Variants in CTNNA3 observed in about 807,000 individuals in gnomAD.
The protein encoded by CTNNA3 is catenin alpha-3.
CTNNA3 carries 76 observed loss-of-function variants against 95.7 expected under a neutral mutation model. That is an observed-to-expected ratio of 0.79 (90% confidence interval 0.66 to 0.96). The LOEUF (loss-of-function observed/expected upper bound fraction) is 0.96. Among genes scored for constraint, CTNNA3 ranks in the 40% least tolerant of loss-of-function variants. The pLI, the probability that CTNNA3 is intolerant of heterozygous loss-of-function variation, is 0.00. For synonymous variants in CTNNA3, 431 were observed against 374.4 expected, an observed-to-expected ratio of 1.15 and a Z score of -1.74; for missense variants, 1,191 against 1,089.8, an observed-to-expected ratio of 1.09 and a Z score of -1.31.
chr10:67,574,422 A>C (rs1312246067), intron 3 of CTNNA3, among the ~76,000 whole-genome samples: 1 of 151,362 alleles, frequency 6.6e-6, no homozygotes, highest in African/African-American at 2.4e-5. Context: ...TCTGTTTTGT[A>C]TTCTATCATT....
chr10:66,820,190 A>G (rs947245930), intron 7 of CTNNA3, among the ~76,000 whole-genome samples: 2 of 152,150 alleles, frequency 1.3e-5, no homozygotes, highest in Non-Finnish European at 2.9e-5. Flanking sequence ...TCTGCTACAC[A>G]TCATGGATAA....
chr10:67,390,585 T>G (rs1461863653), intron 5 of CTNNA3, among the ~76,000 whole-genome samples: 67 of 151,282 alleles, frequency 4.4e-4, no homozygotes, highest in African/African-American at 1.5e-3. Context: ...TACCAAAGCC[T>G]GGCAGAGACA....
At chr10:65,984,867 T>C (rs1221527433) in intron 16 of CTNNA3, among the ~76,000 whole-genome samples, 1 of 151,228 alleles carries the variant, frequency 6.6e-6, no homozygotes, top group African/African-American at 2.4e-5. Context: ...TAAAAGTGAA[T>C]GCAATAAGAT....
intron 15 of CTNNA3, among the ~76,000 whole-genome samples, chr10:66,055,646 G>T (rs763998035): frequency 6.6e-6 from 1 of 150,990 alleles, no homozygotes; most frequent in Non-Finnish European, 1.5e-5. Context: ...AAAATCGGCC[G>T]GGCGTGATGG....
At chr10:67,452,061 T>TGGAAGGAAGGAAGGAAGGAA (rs59544939) in intron 5 of CTNNA3, among the ~76,000 whole-genome samples, 134 of 121,082 alleles carry the variant, frequency 1.1e-3, no homozygotes, top group African/African-American at 3.7e-3. Flanking sequence ...GAGGGAGGAA[T>TGGAAGGAAGGAAGGAAGGAA]GGAAGGAAGG....
chr10:67,340,895 A>AT (rs1564579155), intron 5 of CTNNA3, among the ~76,000 whole-genome samples: 1 of 152,154 alleles, frequency 6.6e-6, no homozygotes, highest in African/African-American at 2.4e-5. Flanking sequence ...TGAATAGTAC[A>AT]TTTTTTTCAA....
At chr10:66,573,361 T>TA (rs564101055) in intron 10 of CTNNA3, among the ~76,000 whole-genome samples, 133 of 152,316 alleles carry the variant, frequency 8.7e-4, no homozygotes, top group African/African-American at 3.0e-3. Flanking sequence ...TGTGATTGAC[T>TA]ACCAGGGTTG....
At chr10:66,496,246 C>G (rs781314066) in intron 11 of CTNNA3, among the ~76,000 whole-genome samples, 6 of 151,904 alleles carry the variant, frequency 3.9e-5, no homozygotes, top group Non-Finnish European at 8.8e-5. Flanking sequence ...AAAATGTCAA[C>G]CTTGATTTTT....
At chr10:66,322,927 T>A (rs10997062) in intron 12 of CTNNA3, among the ~76,000 whole-genome samples, 47,721 of 151,492 alleles carry the variant, frequency 0.32, 8,344 homozygotes, top group Non-Finnish European at 0.39. Context: ...GTATAAGCCC[T>A]CAAAAGTCTC....
At chr10:66,362,729 A>T (rs2092685656) in intron 12 of CTNNA3, among the ~76,000 whole-genome samples, 1 of 152,080 alleles carries the variant, frequency 6.6e-6, no homozygotes, top group South Asian at 2.1e-4. Context: ...GACCAAAAAA[A>T]AAAAGGTAAT....
chr10:67,157,845 C>T (rs943366159), intron 7 of CTNNA3, among the ~76,000 whole-genome samples: 2 of 152,054 alleles, frequency 1.3e-5, no homozygotes, highest in Non-Finnish European at 2.9e-5. Flanking sequence ...TTCTAAAAGT[C>T]TCAATTATTG....
At chr10:66,598,457 G>A (rs771856030) in intron 10 of CTNNA3, among the ~76,000 whole-genome samples, 1 of 152,008 alleles carries the variant, frequency 6.6e-6, no homozygotes, top group Non-Finnish European at 1.5e-5. Flanking sequence ...AATTGGAAAT[G>A]AGGAAGTCAA....
chr10:66,426,265 AG>A (rs776392934), intron 11 of CTNNA3, among the ~76,000 whole-genome samples: 12 of 152,052 alleles, frequency 7.9e-5, no homozygotes, highest in Non-Finnish European at 1.3e-4. Context: ...ACTGTGTCAT[AG>A]GGTACTCAGT....
chr10:65,929,425 T>C (rs571419789), intron 17 of CTNNA3, among the ~76,000 whole-genome samples: 25 of 152,252 alleles, frequency 1.6e-4, no homozygotes, highest in African/African-American at 5.8e-4. Context: ...AATTAGCATA[T>C]CTTGGGCTCA....
chr10:66,518,411 T>A (rs1279337544), intron 11 of CTNNA3, among the ~76,000 whole-genome samples: 2 of 152,082 alleles, frequency 1.3e-5, no homozygotes, highest in Non-Finnish European at 2.9e-5. Context: ...TGTAAGTAGG[T>A]TCCTTTGCCT....
At chr10:67,424,607 T>C (rs1589276900) in intron 5 of CTNNA3, among the ~76,000 whole-genome samples, 1 of 152,274 alleles carries the variant, frequency 6.6e-6, no homozygotes, top group Admixed American at 6.5e-5. Flanking sequence ...TTCCAAAAAC[T>C]TTCTTTTTTA....
At chr10:66,424,731 G>A (rs924065100) in intron 11 of CTNNA3, among the ~76,000 whole-genome samples, 18 of 152,108 alleles carry the variant, frequency 1.2e-4, no homozygotes, top group Non-Finnish European at 5.9e-5. Flanking sequence ...AACACTGTGT[G>A]TGTGAAGAGA....
At chr10:67,724,969 C>A (rs917298379) in intron 1 of CTNNA3, among the ~76,000 whole-genome samples, 1 of 151,964 alleles carries the variant, frequency 6.6e-6, no homozygotes, top group Non-Finnish European at 1.5e-5. Flanking sequence ...TACACAAATT[C>A]TTATTACATT....
At chr10:67,493,940 G>A (rs183275142) in intron 5 of CTNNA3, among the ~76,000 whole-genome samples, 42 of 152,184 alleles carry the variant, frequency 2.8e-4, no homozygotes, top group Admixed American at 8.5e-4. Context: ...TGCTGAAAAG[G>A]AAAAATGAGT....
Sources: allele counts gnomAD v4.1 joint callset (sites outside exome capture counted in the v4.1 genomes callset), GRCh38; gene constraint gnomAD v4.1.1; transcripts MANE v1.5; gene names NCBI Gene and HGNC (gene_info 2026-07-23, HGNC 2026-07-21).